KCNH1: variants seen among roughly 807,000 people sequenced by gnomAD.
KCNH1 encodes potassium voltage-gated channel subfamily H member 1, also known as voltage-gated delayed rectifier potassium channel KCNH1.
In KCNH1, 27 loss-of-function variants were observed where a neutral mutation model predicts 69.2. That is an observed-to-expected ratio of 0.39 (90% CI 0.29 to 0.54). The LOEUF (loss-of-function observed/expected upper bound fraction) is 0.54, where lower values mean the gene tolerates loss of function less well. Among genes scored for constraint, KCNH1 ranks in the 20% least tolerant of loss-of-function variants. The pLI, the probability that KCNH1 is intolerant of heterozygous loss-of-function variation, is 0.68. For synonymous variants in KCNH1, 456 were observed against 487.7 expected (o/e 0.93, Z 0.86); for missense variants, 798 against 1,261.6 (o/e 0.63, Z 5.57).
At chr1:210,889,010 T>C (rs1231935926) in intron 7 of KCNH1, among the ~76,000 whole-genome samples, 1 of 152,198 alleles carries the variant, frequency 6.6e-6, no homozygotes, top group African/African-American at 2.4e-5. Context: ...TCTGATACTA[T>C]TCCAATTAAT....
intron 10 of KCNH1, among the ~76,000 whole-genome samples, chr1:210,754,732 G>C (rs1683356701): frequency 6.6e-6 from 1 of 152,088 alleles, no homozygotes; most frequent in South Asian, 2.1e-4. Flanking sequence ...CACCATGCTT[G>C]TATGGCCTGC....
In KCNH1 at chr1:210,776,872, CAT is replaced by C. The variant is rs1317336313; in HGVS notation, c.1916-1330_1916-1329del. ...CCTTTGCCAGCAAGCAACATTTTAA[CAT>C]ATGTCAAATGCAAAGCCTAATTCAT... On this transcript the variant is annotated intron_variant, in intron 9 of 10. Coordinates refer to ENST00000271751, the MANE Select transcript of KCNH1 (RefSeq NM_172362.3). 7.2e-5 allele frequency among the ~76,000 whole-genome samples: 11 copies of C among 152,308 alleles called. No individual in the cohort carries two copies. The East Asian group carries it at 2.1e-3, about 29-fold the overall frequency.
intron 10 of KCNH1, among the ~76,000 whole-genome samples, chr1:210,718,036 G>C (rs111494023): frequency 0.054 from 8,189 of 151,886 alleles, 385 homozygotes; most frequent in East Asian, 0.15. Context: ...GAACCCAGGA[G>C]GTGGCGGTTG....
intron 7 of KCNH1, among the ~76,000 whole-genome samples, chr1:210,865,577 C>T (rs1404978809): frequency 6.6e-6 from 1 of 152,044 alleles, no homozygotes; most frequent in Non-Finnish European, 1.5e-5. Flanking sequence ...ACACACAATG[C>T]TGAAGCTACG....
chr1:211,134,017 G>T lies in KCNH1; in HGVS notation c.-72C>A. 5 of 1,373,202 alleles carry T rather than the reference G, an allele frequency of 3.6e-6. No individual in the cohort carries two copies. The highest frequency in any genetic ancestry group is 5.1e-6 in the Non-Finnish European group (5 of 971,796). The allele number at this position is 1,373,202 out of a possible 1,614,324, so 85.1% of individuals were successfully genotyped here. On this transcript the variant is annotated 5_prime_UTR_variant, in exon 1 of 11. Coordinates refer to ENST00000271751, the MANE Select transcript of KCNH1 (RefSeq NM_172362.3). This position sits in a 1 kb window ranked among gnomAD's most constrained non-coding sequence, Gnocchi z 5.7. ...ACGACAGCAGGAAACTGGCCTCGGG[G>T]CCCGCACGCAGTCCCGGCTCGAAGC...
intron 10 of KCNH1, among the ~76,000 whole-genome samples, chr1:210,721,395 T>C (rs1682453190): frequency 6.6e-6 from 1 of 152,204 alleles, no homozygotes; most frequent in African/African-American, 2.4e-5. Context: ...CCACTAGCTG[T>C]CAAAGCAGTT....
At chr1:210,777,022 A>G (rs1683873706) in intron 9 of KCNH1, among the ~76,000 whole-genome samples, 1 of 152,220 alleles carries the variant, frequency 6.6e-6, no homozygotes, top group Admixed American at 6.5e-5. Flanking sequence ...AAGAGGAAGG[A>G]AAAAATGCTA....
rs1691915324 is a variant in KCNH1, at chr1:211,133,520, G to A, written c.79+347C>T. 2 of 172,280 alleles carry A rather than the reference G, an allele frequency of 1.2e-5. No homozygotes were observed. Among genetic ancestry groups the A allele is most frequent in the Non-Finnish European group, 2.5e-5 (2 of 81,504 alleles). The allele number at this position is 172,280 out of a possible 1,614,324, so 10.7% of individuals were successfully genotyped here. A position where few individuals can be genotyped will look rare whatever the true frequency, so the allele number is the denominator to read the frequency against. Reference sequence around the variant, plus strand: ...CCTTCGCGGAAGGGTGGGCAGTGCCGATGGGGCGCGCGCTGCCGCTCCGGC... The same window carrying A: ...CCTTCGCGGAAGGGTGGGCAGTGCCAATGGGGCGCGCGCTGCCGCTCCGGC... On this transcript the variant is annotated intron_variant, in intron 1 of 10. Transcript: ENST00000271751. This position sits in a 1 kb window ranked among gnomAD's most constrained non-coding sequence, Gnocchi z 5.4.
At chr1:210,800,703 G>C (rs1472845822) in intron 8 of KCNH1, among the ~76,000 whole-genome samples, 2 of 152,148 alleles carry the variant, frequency 1.3e-5, no homozygotes, top group Non-Finnish European at 2.9e-5. Flanking sequence ...AGATCCCACA[G>C]CCGGCTCCCA....
intron 7 of KCNH1, among the ~76,000 whole-genome samples, chr1:210,835,212 G>A (rs1036216608): frequency 6.6e-6 from 1 of 152,116 alleles, no homozygotes; most frequent in African/African-American, 2.4e-5. Context: ...AACAAGGTAA[G>A]GTCTCTTTGA....
At chr1:211,085,613 A>G (rs1252212861) in intron 4 of KCNH1, among the ~76,000 whole-genome samples, 1 of 152,126 alleles carries the variant, frequency 6.6e-6, no homozygotes, top group East Asian at 1.9e-4. Flanking sequence ...CAGAGTCAGG[A>G]CTCTGAAAAA....
chr1:211,096,184 C>T lies in KCNH1; in HGVS notation c.311-5494G>A, dbSNP rs571975264. On this transcript the variant is annotated intron_variant, in intron 3 of 10. Coordinates refer to ENST00000271751, the MANE Select transcript of KCNH1 (RefSeq NM_172362.3). ...GCTCAAGCGATTCTCCTGCCTCAGCCTCCTGAGTAGCTGGGATTATAGGTG... is the reference window on the plus strand; with the variant it reads ...GCTCAAGCGATTCTCCTGCCTCAGCTTCCTGAGTAGCTGGGATTATAGGTG... Among the ~76,000 whole-genome samples the T allele has an allele frequency of 1.9e-3, 285 of 152,264 alleles. 1 individual carries two copies. The highest frequency in any genetic ancestry group is 6.7e-3 in the African/African-American group (279 of 41,548).
At chr1:210,963,760 T>A (rs1688343173) in intron 6 of KCNH1, among the ~76,000 whole-genome samples, 1 of 151,878 alleles carries the variant, frequency 6.6e-6, no homozygotes, top group Non-Finnish European at 1.5e-5. Context: ...TGAAAAGGAA[T>A]GAACAAATGC....
chr1:210,782,397 T>G (rs1017710313), intron 9 of KCNH1, among the ~76,000 whole-genome samples: 3 of 152,104 alleles, frequency 2.0e-5, no homozygotes, highest in African/African-American at 7.2e-5. Context: ...CTCTAGATGA[T>G]AACTGGGTCA....
intron 9 of KCNH1, among the ~76,000 whole-genome samples, chr1:210,784,831 A>G (rs1328552113): frequency 6.6e-6 from 1 of 152,162 alleles, no homozygotes; most frequent in African/African-American, 2.4e-5. Flanking sequence ...AACACACCCA[A>G]GAACCTGTAA....
chr1:211,015,596 G>A (rs368032862), intron 6 of KCNH1, among the ~76,000 whole-genome samples: 1 of 152,176 alleles, frequency 6.6e-6, no homozygotes, highest in Non-Finnish European at 1.5e-5. Flanking sequence ...GCTTCTGGAG[G>A]TAAGACTAAT....
chr1:211,095,467 C>T (rs139549062), intron 3 of KCNH1, among the ~76,000 whole-genome samples: 1 of 152,258 alleles, frequency 6.6e-6, no homozygotes, highest in East Asian at 1.9e-4. Context: ...TTATGTAGCT[C>T]CCTTAGGTCA....
chr1:210,900,152 CAG>C (rs1014566267), intron 7 of KCNH1, among the ~76,000 whole-genome samples: 2 of 152,172 alleles, frequency 1.3e-5, no homozygotes, highest in Non-Finnish European at 2.9e-5. Context: ...AGTGAAAAGG[CAG>C]AGAGAGATTT....
At chr1:211,125,664 A>G (rs368008473) in intron 1 of KCNH1, among the ~76,000 whole-genome samples, 2 of 152,300 alleles carry the variant, frequency 1.3e-5, no homozygotes, top group Middle Eastern at 3.4e-3. Flanking sequence ...ATGCCAGTGG[A>G]GGATGTCTAC....
Sources: allele counts gnomAD v4.1 joint callset (sites outside exome capture counted in the v4.1 genomes callset), GRCh38; gene constraint gnomAD v4.1.1; non-coding constraint Gnocchi (gnomAD v3.1); transcripts MANE v1.5; gene names NCBI Gene and HGNC (gene_info 2026-07-23, HGNC 2026-07-21).